GNAS-AS1: variants seen among roughly 807,000 people sequenced by gnomAD.
GNAS-AS1 encodes GNAS antisense RNA 1, also known as GNAS antisense RNA 1 (non-protein coding).
At position 58,826,196 on chromosome 20, in the gene GNAS-AS1, T is replaced by C. The variant is rs563097557; in HGVS notation, n.820-6941A>G. On this transcript the variant is annotated intron_variant and non_coding_transcript_variant, in intron 4 of 4. Coordinates refer to ENST00000424094, the Ensembl canonical transcript of GNAS-AS1. ...TCTCTTTTAAAAGTGCTAATAATAA[T>C]AACATTAATACGAATTATTTGTAGA... 3.0e-5 allele frequency: 12 copies of C among 398,192 alleles called. No individual in the cohort carries two copies. The Admixed American group carries it at 4.8e-4, about 16-fold the overall frequency. The allele number at this position is 398,192 out of a possible 1,614,324, so 24.7% of individuals were successfully genotyped here.
At chr20:58,823,980 G>A (rs369447753) in intron 4 of GNAS-AS1, 1 of 398,702 alleles carries the variant, frequency 2.5e-6, no homozygotes. Flanking sequence ...ACACACCTAT[G>A]CAGCGAGGAA....
intron 1 of GNAS-AS1, among the ~76,000 whole-genome samples, chr20:58,849,241 A>T (rs1346139157): frequency 6.6e-6 from 1 of 152,078 alleles, no homozygotes; most frequent in Non-Finnish European, 1.5e-5. Flanking sequence ...CCCAAATACC[A>T]CCAGTGCAGA....
chr20:58,830,975 AT>A lies in GNAS-AS1; in HGVS notation n.819+10961del, dbSNP rs2085565600. 2.0e-5 allele frequency among the ~76,000 whole-genome samples: 3 copies of A among 152,298 alleles called. No homozygotes were observed. The South Asian group carries it at 6.2e-4, about 32-fold the overall frequency. On this transcript the variant is annotated intron_variant and non_coding_transcript_variant, in intron 4 of 4. Transcript: ENST00000424094. Reference sequence around the variant, plus strand: ...ACAGATATAAAACGAGGGTGCCCCCATTTCACCCTTCTCTCTCCTACACACT... The same window carrying A: ...ACAGATATAAAACGAGGGTGCCCCCATTCACCCTTCTCTCTCCTACACACT...
intron 4 of GNAS-AS1, among the ~76,000 whole-genome samples, chr20:58,823,256 T>G (rs933356287): frequency 1.3e-5 from 2 of 152,214 alleles, no homozygotes; most frequent in Admixed American, 1.3e-4. Context: ...TACCACTGCC[T>G]CATTCGGCCC....
intron 4 of GNAS-AS1, among the ~76,000 whole-genome samples, chr20:58,829,208 A>T (rs1326344206): frequency 1.3e-5 from 2 of 152,142 alleles, no homozygotes; most frequent in Non-Finnish European, 2.9e-5. Flanking sequence ...AATTCCCCAC[A>T]TCCATGTTAT....
chr20:58,837,867 C>T (rs932558217), intron 4 of GNAS-AS1, among the ~76,000 whole-genome samples: 25 of 152,234 alleles, frequency 1.6e-4, no homozygotes, highest in African/African-American at 6.0e-4. Flanking sequence ...GGGGTATGAA[C>T]TCTGCACTTA....
chr20:58,840,378 C>G lies in GNAS-AS1; in HGVS notation n.819+1559G>C. ...GAATCTGACCACGAGCACGAGGAGGCAGACCTTGAGCTGTCCCTCCCCGAG... is the reference window on the plus strand; with the variant it reads ...GAATCTGACCACGAGCACGAGGAGGGAGACCTTGAGCTGTCCCTCCCCGAG... On this transcript the variant is annotated intron_variant and non_coding_transcript_variant, in intron 4 of 4. Transcript: ENST00000424094. This position sits in a 1 kb window ranked among gnomAD's most constrained non-coding sequence, Gnocchi z 6.0. 6.2e-7 allele frequency: 1 copy of G among 1,613,416 alleles called. No homozygotes were observed. Among genetic ancestry groups the G allele is most frequent in the Non-Finnish European group, 8.5e-7 (1 of 1,179,978 alleles).
At chr20:58,827,374 T>C (rs1160546604) in intron 4 of GNAS-AS1, among the ~76,000 whole-genome samples, 1 of 151,810 alleles carries the variant, frequency 6.6e-6, no homozygotes, top group Non-Finnish European at 1.5e-5. Flanking sequence ...GGGAGACAAA[T>C]ACTCAGGCCC....
chr20:58,835,343 T>C (rs1473152399), intron 4 of GNAS-AS1, among the ~76,000 whole-genome samples: 2 of 152,174 alleles, frequency 1.3e-5, no homozygotes, highest in African/African-American at 4.8e-5. Flanking sequence ...GAAAATGCAT[T>C]GAGGTCTGTG....
intron 4 of GNAS-AS1, among the ~76,000 whole-genome samples, chr20:58,819,500 C>T (rs1306343681): frequency 6.6e-6 from 1 of 152,132 alleles, no homozygotes; most frequent in Non-Finnish European, 1.5e-5. Context: ...GAAAACATGG[C>T]CCTTTTTCTG....
At chr20:58,821,716 G>A (rs1175797363) in intron 4 of GNAS-AS1, among the ~76,000 whole-genome samples, 1 of 152,128 alleles carries the variant, frequency 6.6e-6, no homozygotes, top group South Asian at 2.1e-4. Context: ...TCATGTACAT[G>A]GCTCTGAAGG....
At position 58,821,092 on chromosome 20, in the gene GNAS-AS1, G is replaced by A. The variant is rs148029132; in HGVS notation, n.820-1837C>T. Among the ~76,000 whole-genome samples the A allele has an allele frequency of 1.1e-4, 17 of 152,292 alleles. No homozygotes were observed. In the East Asian group the frequency reaches 2.5e-3, roughly 23 times the overall value. ...CTGCTCAGAAGCCTCAGGGCTTCCC[G>A]CTGCACTTGCAATCAGACCCCAGTG... is the stretch of plus-strand genomic sequence containing the variant. On this transcript the variant is annotated intron_variant and non_coding_transcript_variant, in intron 4 of 4. Transcript: ENST00000424094.
Position 58,821,741 on chromosome 20 carries a change from TG to T in GNAS-AS1, n.820-2487del, listed in dbSNP as rs141683134. Among the ~76,000 whole-genome samples the T allele has an allele frequency of 1.7e-3, 259 of 152,290 alleles. 1 individual carries two copies. Among genetic ancestry groups the T allele is most frequent in the African/African-American group, 6.1e-3 (254 of 41,572 alleles). On this transcript the variant is annotated intron_variant and non_coding_transcript_variant, in intron 4 of 4. Transcript: ENST00000424094. ...GGCTCTGAAGGAGTTAAGGCCTAGC[TG>T]TGGTCACAACTACCATGGATTCTTC...
chr20:58,830,472 C>G (rs2085555398), intron 4 of GNAS-AS1, among the ~76,000 whole-genome samples: 1 of 111,668 alleles, frequency 9.0e-6, no homozygotes, highest in African/African-American at 3.7e-5. Flanking sequence ...CACCACACCA[C>G]CATCATCACC....
At chr20:58,833,153 G>A (rs1249208964) in intron 4 of GNAS-AS1, among the ~76,000 whole-genome samples, 1 of 152,224 alleles carries the variant, frequency 6.6e-6, no homozygotes, top group Admixed American at 6.5e-5. Context: ...AATCTCACAT[G>A]CCTCAATGCC....
chr20:58,841,606 G>A lies in GNAS-AS1; in HGVS notation n.819+331C>T, dbSNP rs530814609. The stretch of plus-strand genomic sequence containing the variant: ...ACAGAGACCGCCTCAAAGAGCGTGC[G>A]CACCTGCCCGCGCGCGCCGGAGCTG... On this transcript the variant is annotated intron_variant and non_coding_transcript_variant, in intron 4 of 4. Coordinates refer to ENST00000424094, the Ensembl canonical transcript of GNAS-AS1. The surrounding 1 kb of genome is among the most constrained non-coding windows in gnomAD (Gnocchi z 5.0). 9.7e-7 allele frequency: 1 copy of A among 1,034,102 alleles called. No homozygotes were observed. The highest frequency in any genetic ancestry group is 1.2e-6 in the Non-Finnish European group (1 of 862,012). 64.1% of individuals were successfully genotyped at this position (1,034,102 alleles called of 1,614,324 possible). A position where few individuals can be genotyped will look rare whatever the true frequency, so the allele number is the denominator to read the frequency against.
At chr20:58,850,446 A>T (rs2086113793) in intron 1 of GNAS-AS1, 1 of 397,760 alleles carries the variant, frequency 2.5e-6, no homozygotes, top group Non-Finnish European at 4.4e-6. Flanking sequence ...TTTGGGGGTG[A>T]GCGCGAGGCC....
At position 58,840,140 on chromosome 20, in the gene GNAS-AS1, C is replaced by G. The variant is rs2085661524; in HGVS notation, n.819+1797G>C. 14 of 1,611,410 alleles carry G rather than the reference C, an allele frequency of 8.7e-6. No individual in the cohort carries two copies. Among genetic ancestry groups the G allele is most frequent in the South Asian group, 1.1e-5 (1 of 91,072 alleles). The stretch of plus-strand genomic sequence containing the variant: ...GAGGTCCCGGGCTCAGCAGTGGCGC[C>G]GAGCTCGCCATAATTACAACGACCT... On this transcript the variant is annotated intron_variant and non_coding_transcript_variant, in intron 4 of 4. Coordinates refer to ENST00000424094, the Ensembl canonical transcript of GNAS-AS1. This position sits in a 1 kb window ranked among gnomAD's most constrained non-coding sequence, Gnocchi z 6.0.
chr20:58,849,195 G>A (rs1456268777), intron 1 of GNAS-AS1, among the ~76,000 whole-genome samples: 1 of 152,046 alleles, frequency 6.6e-6, no homozygotes, highest in Non-Finnish European at 1.5e-5. Context: ...ATCCTACAAT[G>A]CACAGGGCAG....
Sources: allele counts gnomAD v4.1 joint callset (sites outside exome capture counted in the v4.1 genomes callset), GRCh38; gene constraint gnomAD v4.1.1; non-coding constraint Gnocchi (gnomAD v3.1); transcripts MANE v1.5; gene names NCBI Gene and HGNC (gene_info 2026-07-23, HGNC 2026-07-21).